The following ELMO1 variants were observed in gnomAD, a reference collection of about 807,000 sequenced individuals.
ELMO1 encodes engulfment and cell motility protein 1.
A neutral mutation model predicts 98.9 loss-of-function variants in ELMO1; 26 were observed. The ratio of observed to expected loss-of-function variants is 0.26; its 90% CI spans 0.19 to 0.36. The LOEUF (loss-of-function observed/expected upper bound fraction) is 0.36. Ranked by LOEUF, ELMO1 falls within the 10% of genes least tolerant of loss-of-function variation. The probability of loss-of-function intolerance (pLI) is 1.00; values close to 1 mark genes in which losing one functional copy is unlikely to be tolerated. For synonymous variants in ELMO1, 346 were observed against 346.0 expected (o/e 1.00, Z 0.00); for missense variants, 627 against 935.2 (o/e 0.67, Z 4.30).
chr7:36,932,378 G>A (rs1449338359), intron 16 of ELMO1, among the ~76,000 whole-genome samples: 1 of 152,148 alleles, frequency 6.6e-6, no homozygotes, highest in East Asian at 1.9e-4. Context: ...TTCATGAATG[G>A]AGAAAAAAAG....
At chr7:37,438,845 A>T (rs1805273021) in intron 1 of ELMO1, among the ~76,000 whole-genome samples, 1 of 152,168 alleles carries the variant, frequency 6.6e-6, no homozygotes. Context: ...CTCCATTAAC[A>T]AGTATGTGCT....
chr7:37,123,711 A>G (rs1229042466), intron 14 of ELMO1, among the ~76,000 whole-genome samples: 1 of 152,220 alleles, frequency 6.6e-6, no homozygotes, highest in Admixed American at 6.5e-5. Flanking sequence ...CAGAGGTACA[A>G]AGAGGAGCTG....
chr7:37,134,812 C>G (rs1042089986), intron 13 of ELMO1, among the ~76,000 whole-genome samples: 2 of 152,144 alleles, frequency 1.3e-5, no homozygotes, highest in South Asian at 4.1e-4. Flanking sequence ...AACTCAGAAA[C>G]AGAAAGTCAA....
intron 16 of ELMO1, among the ~76,000 whole-genome samples, chr7:36,939,478 CTCTG>C (rs1786836992): frequency 1.3e-5 from 2 of 152,206 alleles, no homozygotes; most frequent in Non-Finnish European, 2.9e-5. Context: ...TTCCCGCAGG[CTCTG>C]TGTGTTTCAC....
chr7:36,901,641 C>G lies in ELMO1; in HGVS notation c.1438-6624G>C, dbSNP rs1380962836. Among the ~76,000 whole-genome samples, 4 of 152,182 alleles carry G rather than the reference C, an allele frequency of 2.6e-5. No individual in the cohort carries two copies. The East Asian group carries it at 7.7e-4, about 29-fold the overall frequency. ...AAGTCATTTCAAAGTCTGGTTCTGT[C>G]ACTTACAAGCTGGGAAAATCACTCA... On this transcript the variant is annotated intron_variant, in intron 16 of 21. Coordinates refer to ENST00000310758, the MANE Select transcript of ELMO1 (RefSeq NM_014800.11).
At chr7:37,271,603 G>A in intron 5 of ELMO1, 1 of 498,524 alleles carries the variant, frequency 2.0e-6, no homozygotes, top group Admixed American at 3.7e-5. Flanking sequence ...GCTATCCTGG[G>A]CCGCAGGTTA....
At chr7:36,978,283 C>T (rs1409165687) in intron 16 of ELMO1, among the ~76,000 whole-genome samples, 2 of 151,438 alleles carry the variant, frequency 1.3e-5, no homozygotes, top group Non-Finnish European at 2.9e-5. Context: ...CCTAAGTTGT[C>T]ACCAGATGAA....
At chr7:37,158,401 C>A (rs1584736760) in intron 13 of ELMO1, among the ~76,000 whole-genome samples, 2 of 152,312 alleles carry the variant, frequency 1.3e-5, no homozygotes, top group East Asian at 3.9e-4. Flanking sequence ...ATTTTGCAAT[C>A]TATCCATCTG....
chr7:36,919,997 C>G lies in ELMO1; in HGVS notation c.1438-24980G>C, dbSNP rs115935740. Reference sequence around the variant, plus strand: ...TTTTGACATCAACAGTGGCCTGGATCAGGGATGCTTTGGTTCTTTCCTTTG... The same window carrying G: ...TTTTGACATCAACAGTGGCCTGGATGAGGGATGCTTTGGTTCTTTCCTTTG... On this transcript the variant is annotated intron_variant, in intron 16 of 21. Coordinates refer to ENST00000310758, the MANE Select transcript of ELMO1 (RefSeq NM_014800.11). Among the ~76,000 whole-genome samples the G allele has an allele frequency of 5.9e-3, 896 of 152,320 alleles. 12 individuals carry two copies. Among genetic ancestry groups the G allele is most frequent in the African/African-American group, 0.02 (832 of 41,576 alleles).
intron 16 of ELMO1, among the ~76,000 whole-genome samples, chr7:36,993,750 C>A (rs1222755170): frequency 6.6e-6 from 1 of 152,174 alleles, no homozygotes; most frequent in African/African-American, 2.4e-5. Context: ...CCCTGAAGGG[C>A]AATAACCAAT....
chr7:37,142,240 T>A (rs1296662070), intron 13 of ELMO1, among the ~76,000 whole-genome samples: 2 of 152,254 alleles, frequency 1.3e-5, no homozygotes, highest in African/African-American at 4.8e-5. Context: ...TTGTAATGTT[T>A]TTAGTTATTT....
intron 6 of ELMO1, among the ~76,000 whole-genome samples, chr7:37,253,707 C>T (rs935588788): frequency 2.2e-5 from 3 of 138,382 alleles, no homozygotes; most frequent in Admixed American, 7.5e-5. Context: ...CACATGTATC[C>T]AAGAACTTAA....
intron 13 of ELMO1, among the ~76,000 whole-genome samples, chr7:37,160,961 G>T (rs1232624631): frequency 6.6e-6 from 1 of 152,138 alleles, no homozygotes; most frequent in Non-Finnish European, 1.5e-5. Context: ...GATACTCTTA[G>T]AAGGAAAGTT....
chr7:37,326,846 AGACATT>A (rs1799847473), intron 2 of ELMO1, among the ~76,000 whole-genome samples: 1 of 152,210 alleles, frequency 6.6e-6, no homozygotes, highest in Non-Finnish European at 1.5e-5. Flanking sequence ...TCTGCTCAGC[AGACATT>A]GTATTTCCCT....
chr7:37,236,262 A>G (rs1017164), intron 7 of ELMO1, among the ~76,000 whole-genome samples: 151,678 of 152,336 alleles, frequency 1, 75,516 homozygotes, highest in Middle Eastern at 1. Context: ...GAAGGAGAAA[A>G]AGTATCATTT....
chr7:36,971,600 A>G (rs1016456826), intron 16 of ELMO1, among the ~76,000 whole-genome samples: 1 of 152,250 alleles, frequency 6.6e-6, no homozygotes, highest in South Asian at 2.1e-4. Context: ...TCAGAAAAGC[A>G]GTATTACCAA....
intron 16 of ELMO1, among the ~76,000 whole-genome samples, chr7:36,995,633 CATGA>C (rs1274762916): frequency 6.6e-6 from 1 of 151,952 alleles, no homozygotes; most frequent in Non-Finnish European, 1.5e-5. Context: ...AGATACTATT[CATGA>C]ATATCATTCT....
intron 16 of ELMO1, among the ~76,000 whole-genome samples, chr7:36,971,395 A>T (rs925361693): frequency 6.6e-6 from 1 of 152,252 alleles, no homozygotes; most frequent in East Asian, 1.9e-4. Flanking sequence ...GATACACTTA[A>T]GTCATTTAAA....
At chr7:36,972,469 G>GTTC (rs1790053287) in intron 16 of ELMO1, among the ~76,000 whole-genome samples, 1 of 152,348 alleles carries the variant, frequency 6.6e-6, no homozygotes, top group Admixed American at 6.5e-5. Context: ...TTGTCTCACA[G>GTTC]TTCTGGAGGC....
Sources: allele counts gnomAD v4.1 joint callset (sites outside exome capture counted in the v4.1 genomes callset), GRCh38; gene constraint gnomAD v4.1.1; transcripts MANE v1.5; gene names NCBI Gene and HGNC (gene_info 2026-07-23, HGNC 2026-07-21).